RP1: variants seen among roughly 807,000 people sequenced by gnomAD.
RP1 encodes RP1 axonemal microtubule associated.
A neutral mutation model predicts 14.8 loss-of-function variants in RP1; 16 were observed. The observed-to-expected ratio is 1.08, with a 90% CI of 0.73 to 1.65. The LOEUF (loss-of-function observed/expected upper bound fraction) is 1.65, where lower values mean the gene tolerates loss of function less well. Ranked by LOEUF, RP1 falls within the 40% of genes most tolerant of loss-of-function variation. The pLI, the probability that RP1 is intolerant of heterozygous loss-of-function variation, is 0.00. For missense variants in RP1, 2,631 were observed against 2,535.0 expected, an observed-to-expected ratio of 1.04 and a Z score of -0.81; for synonymous variants, 876 against 883.6, an observed-to-expected ratio of 0.99 and a Z score of 0.15.
chr8:54,578,011 A>T (rs934757429), intron 1 of RP1, among the ~76,000 whole-genome samples: 1 of 151,898 alleles, frequency 6.6e-6, no homozygotes, highest in Non-Finnish European at 1.5e-5. Context: ...GGTTAGTTAC[A>T]TATGTATACA....
chr8:54,583,609 G>A (rs200516728), intron 1 of RP1, among the ~76,000 whole-genome samples: 11 of 152,216 alleles, frequency 7.2e-5, no homozygotes, highest in African/African-American at 2.6e-4. Context: ...GGTAGAATTC[G>A]GCTGTGAATC....
chr8:54,822,388 A>T (rs1811278011), intron 24 of RP1, among the ~76,000 whole-genome samples: 1 of 152,240 alleles, frequency 6.6e-6, no homozygotes, highest in Non-Finnish European at 1.5e-5. Flanking sequence ...AATTCAGTAT[A>T]GCATAGTTCT....
rs142701186 is a variant in RP1, at chr8:54,705,701, C to T, written c.1999-742C>T. Among the ~76,000 whole-genome samples, 3 of 152,260 alleles carry T rather than the reference C, an allele frequency of 2.0e-5. No homozygotes were observed. The East Asian group carries it at 5.8e-4, about 29-fold the overall frequency. ...CTGGGTAAAGTTAAATTCTTAGTAC[C>T]CAACTAGTTTCAGCAGTGTAGGAAA... On this transcript the variant is annotated intron_variant, in intron 14 of 22. Coordinates refer to the RP1 transcript ENST00000636932.
chr8:54,813,412 T>G (rs1267257549), intron 24 of RP1, among the ~76,000 whole-genome samples: 1 of 152,160 alleles, frequency 6.6e-6, no homozygotes, highest in African/African-American at 2.4e-5. Context: ...ACCTTTGCCC[T>G]GAATGCAAAT....
At position 54,627,798 on chromosome 8, in the gene RP1, A is replaced by G. The variant is rs1554519842; in HGVS notation, c.3916A>G (p.Thr1306Ala). 1 of 1,614,178 alleles carries G rather than the reference A, an allele frequency of 6.2e-7. No individual in the cohort carries two copies. The highest frequency in any genetic ancestry group is 8.5e-7 in the Non-Finnish European group (1 of 1,179,976). ...ACFLGEVCSLTDTVFSDKACA... is the reference protein window; with the variant it reads ...ACFLGEVCSLADTVFSDKACA... Reference sequence around the variant, plus strand: ...TTTCCTAGGAGAGGTCTGTTCACTTACTGATACTGTGTTTTCTGATAAGGC... The same window carrying G: ...TTTCCTAGGAGAGGTCTGTTCACTTGCTGATACTGTGTTTTCTGATAAGGC... Residue 1306 changes from threonine (T) to alanine (A), a missense_variant, in exon 4 of 4, where the codon ACT becomes GCT. Transcript: ENST00000220676.
chr8:54,757,134 T>C (rs1244310274), intron 21 of RP1, among the ~76,000 whole-genome samples: 1 of 152,244 alleles, frequency 6.6e-6, no homozygotes, highest in East Asian at 1.9e-4. Context: ...AATAATTTCA[T>C]GAGTTTTGTA....
intron 8 of RP1, among the ~76,000 whole-genome samples, chr8:54,676,513 C>T (rs1246964726): frequency 6.6e-6 from 1 of 152,060 alleles, no homozygotes; most frequent in African/African-American, 2.4e-5. Flanking sequence ...GCAGATAATC[C>T]GAGAAGATAG....
intron 1 of RP1, among the ~76,000 whole-genome samples, chr8:54,582,220 T>C (rs1360086424): frequency 6.6e-6 from 1 of 151,832 alleles, no homozygotes; most frequent in Non-Finnish European, 1.5e-5. Context: ...TTTCTACATA[T>C]GGCTAGCCAG....
intron 28 of RP1, among the ~76,000 whole-genome samples, chr8:54,866,834 G>T (rs1812469454): frequency 6.6e-6 from 1 of 152,148 alleles, no homozygotes; most frequent in Admixed American, 6.6e-5. Flanking sequence ...TGGGTGTCAA[G>T]GTGCTATGTC....
At chr8:54,609,494 C>A (rs2129309214) in intron 1 of RP1, among the ~76,000 whole-genome samples, 1 of 152,008 alleles carries the variant, frequency 6.6e-6, no homozygotes, top group South Asian at 2.1e-4. Context: ...CAAAACACAA[C>A]AACAAAAAAA....
At chr8:54,721,696 T>C (rs1226827381) in intron 16 of RP1, among the ~76,000 whole-genome samples, 1 of 152,232 alleles carries the variant, frequency 6.6e-6, no homozygotes, top group Non-Finnish European at 1.5e-5. Context: ...GGATGGTTTA[T>C]GTTTTCTTCT....
At chr8:54,656,322 G>A in intron 6 of RP1, 2 of 1,170,822 alleles carry the variant, frequency 1.7e-6, no homozygotes, top group South Asian at 3.4e-5. Flanking sequence ...ATTAAGGACT[G>A]CCAGTTTCTT....
At chr8:54,854,538 C>G (rs909592508) in intron 26 of RP1, among the ~76,000 whole-genome samples, 2 of 152,166 alleles carry the variant, frequency 1.3e-5, no homozygotes, top group Non-Finnish European at 2.9e-5. Flanking sequence ...AGAAAATCCT[C>G]ATAATCTAGG....
intron 7 of RP1, among the ~76,000 whole-genome samples, chr8:54,671,157 A>G (rs1033756198): frequency 4.6e-5 from 7 of 152,000 alleles, no homozygotes; most frequent in Non-Finnish European, 1.0e-4. Context: ...TGAATGTATC[A>G]TCCTGTTGCC....
At chr8:54,858,813 G>A (rs993674639) in intron 27 of RP1, among the ~76,000 whole-genome samples, 1 of 152,116 alleles carries the variant, frequency 6.6e-6, no homozygotes, top group African/African-American at 2.4e-5. Context: ...TGTCACTGTA[G>A]ATTGATGTCA....
intron 25 of RP1, among the ~76,000 whole-genome samples, chr8:54,847,658 C>A (rs1157104626): frequency 6.6e-6 from 1 of 152,214 alleles, no homozygotes; most frequent in Admixed American, 6.5e-5. Flanking sequence ...GCTCTGGGAG[C>A]CCCTCTACTC....
intron 19 of RP1, among the ~76,000 whole-genome samples, chr8:54,745,827 A>C (rs991267214): frequency 6.6e-6 from 1 of 152,122 alleles, no homozygotes; most frequent in African/African-American, 2.4e-5. Context: ...ATATCAGTGC[A>C]CTTTTTCTCA....
intron 26 of RP1, among the ~76,000 whole-genome samples, chr8:54,854,116 A>C (rs1461055869): frequency 6.6e-6 from 1 of 152,216 alleles, no homozygotes; most frequent in Non-Finnish European, 1.5e-5. Context: ...TGTAATATCA[A>C]TCAAAATCTC....
At chr8:54,610,341 T>G (rs372509793) in intron 1 of RP1, among the ~76,000 whole-genome samples, 1 of 152,208 alleles carries the variant, frequency 6.6e-6, no homozygotes, top group Non-Finnish European at 1.5e-5. Flanking sequence ...CTGCTATCTT[T>G]GCAGTGCTTT....
Sources: gnomAD v4.1 joint callset for allele counts (sites outside exome capture counted in the v4.1 genomes callset) on GRCh38, gnomAD v4.1.1 for gene constraint, MANE v1.5 for transcripts, NCBI Gene and HGNC (gene_info 2026-07-23, HGNC 2026-07-21) for gene names.